The following MORN1 variants were observed in gnomAD, a reference collection of about 807,000 sequenced individuals.
MORN1 encodes the protein MORN repeat-containing protein 1.
In MORN1, 67 loss-of-function variants were observed where a neutral mutation model predicts 61.9. That is an observed-to-expected ratio of 1.08 (90% CI 0.89 to 1.33). The LOEUF (loss-of-function observed/expected upper bound fraction) is 1.33. Ranked by LOEUF, MORN1 falls within the 40% of genes most tolerant of loss-of-function variation. MORN1 has a pLI of 0.00. For missense variants in MORN1, 752 were observed against 691.2 expected, an observed-to-expected ratio of 1.09 and a Z score of -0.99; for synonymous variants, 301 against 292.0, an observed-to-expected ratio of 1.03 and a Z score of -0.31.
chr1:2,369,526 A>G (rs141012650), intron 8 of MORN1, among the ~76,000 whole-genome samples: 199 of 152,240 alleles, frequency 1.3e-3, no homozygotes, highest in Middle Eastern at 3.4e-3. Context: ...ATATGATCGT[A>G]TATAGAGAAA....
intron 6 of MORN1, among the ~76,000 whole-genome samples, chr1:2,379,649 G>A (rs1470254125): frequency 1.3e-5 from 2 of 152,168 alleles, no homozygotes; most frequent in Non-Finnish European, 1.5e-5. Flanking sequence ...TGGTGGCCAC[G>A]GCTGACAGTG....
intron 12 of MORN1, among the ~76,000 whole-genome samples, chr1:2,333,899 TGCTGGAAAGAACA>T (rs139357410): frequency 0.17 from 25,238 of 152,210 alleles, 2,707 homozygotes; most frequent in South Asian, 0.25. Flanking sequence ...CCAGGTTGGC[TGCTGGAAAGAACA>T]GCTTTCTTAG....
intron 8 of MORN1, among the ~76,000 whole-genome samples, chr1:2,370,330 T>TA (rs1347067191): frequency 1.3e-5 from 2 of 152,150 alleles, no homozygotes; most frequent in African/African-American, 4.8e-5. Context: ...ATCTTTTCCA[T>TA]AAAAAATAAC....
At chr1:2,323,065 G>A (rs949115415) in intron 13 of MORN1, 20 of 985,302 alleles carry the variant, frequency 2.0e-5, no homozygotes, top group African/African-American at 8.7e-5. Flanking sequence ...CTGGCCGAGC[G>A]GCTGCGCACA....
intron 12 of MORN1, among the ~76,000 whole-genome samples, chr1:2,331,184 A>T (rs1472246940): frequency 6.6e-6 from 1 of 152,158 alleles, no homozygotes; most frequent in Non-Finnish European, 1.5e-5. Context: ...CATGGGGCAC[A>T]TGGTGAGGCA....
At chr1:2,329,935 C>T (rs889363631) in intron 12 of MORN1, among the ~76,000 whole-genome samples, 2 of 152,156 alleles carry the variant, frequency 1.3e-5, no homozygotes, top group Non-Finnish European at 2.9e-5. Context: ...GTGTTTATGG[C>T]GGAGACCAGC....
At chr1:2,381,303 G>C (rs139676317) in intron 6 of MORN1, among the ~76,000 whole-genome samples, 41 of 152,352 alleles carry the variant, frequency 2.7e-4, no homozygotes, top group African/African-American at 9.6e-4. Flanking sequence ...CGTCTACATC[G>C]GTCTGGGCAG....
rs149596085 is a variant in MORN1 at position 2,352,038 on chromosome 1, A to G, written c.1036+5394T>C. On this transcript the variant is annotated intron_variant, in intron 10 of 13. Transcript: ENST00000378531. Reference sequence around the variant, plus strand: ...AATTAGAGGTCCACCTCCCCTAGGAATGAGTCCACCAAGACCCTAGCATAC... The same window carrying G: ...AATTAGAGGTCCACCTCCCCTAGGAGTGAGTCCACCAAGACCCTAGCATAC... The G allele has an allele frequency of 9.0e-6, 5 of 556,972 alleles. No individual in the cohort carries two copies. The African/African-American group carries it at 9.6e-5, about 11-fold the overall frequency. The allele number at this position is 556,972 out of a possible 1,614,324, so 34.5% of individuals were successfully genotyped here. A position where few individuals can be genotyped will look rare whatever the true frequency, so the allele number is the denominator to read the frequency against.
intron 13 of MORN1, 52 bp downstream of exon 13, chr1:2,324,045 C>T: frequency 6.4e-7 from 1 of 1,555,282 alleles, no homozygotes; most frequent in East Asian, 2.4e-5. Context: ...TGCGGCCTCG[C>T]CTCTCCAGAC....
intron 12 of MORN1, among the ~76,000 whole-genome samples, chr1:2,331,897 T>C: frequency 8.6e-6 from 1 of 116,488 alleles, no homozygotes; most frequent in Non-Finnish European, 1.7e-5. Flanking sequence ...CCTGCGCCTC[T>C]CCCTCGTGCG....
At chr1:2,330,982 G>GT (rs1410177632) in intron 12 of MORN1, among the ~76,000 whole-genome samples, 1 of 152,234 alleles carries the variant, frequency 6.6e-6, no homozygotes, top group African/African-American at 2.4e-5. Context: ...GTGGAATTCC[G>GT]TAACACGCCT....
At chr1:2,390,811 C>T (rs1448918072) in intron 1 of MORN1, 8 of 923,578 alleles carry the variant, frequency 8.7e-6, no homozygotes, top group Non-Finnish European at 1.0e-5. Context: ...TGCAGCGGCG[C>T]GATCTCGGCT....
Position 2,387,418 on chromosome 1 carries a change from C to A in MORN1, c.358+1G>T. 6.2e-7 allele frequency: 1 copy of A among 1,611,754 alleles called. No individual in the cohort carries two copies. The highest frequency in any genetic ancestry group is 8.5e-7 in the Non-Finnish European group (1 of 1,178,818). ...GCACCCGGCTCCTGTGGGCGCCAGACCTTCCCGCATGCCGTGGGAGACCTC... is the reference window on the plus strand; with the variant it reads ...GCACCCGGCTCCTGTGGGCGCCAGAACTTCCCGCATGCCGTGGGAGACCTC... On this transcript the variant is annotated splice_donor_variant, in intron 4 of 13. Coordinates refer to ENST00000378531, the MANE Select transcript of MORN1 (RefSeq NM_024848.3). LOFTEE classifies it high-confidence loss of function.
chr1:2,361,757 G>A (rs948614577), intron 8 of MORN1, among the ~76,000 whole-genome samples: 4 of 152,130 alleles, frequency 2.6e-5, no homozygotes, highest in Non-Finnish European at 4.4e-5. Context: ...CCCTCCATGC[G>A]GCTGAACATC....
chr1:2,322,541 G>A (rs913587850), intron 13 of MORN1: 69 of 984,960 alleles, frequency 7.0e-5, no homozygotes, highest in Non-Finnish European at 8.0e-5. Context: ...GCTTGGCCCC[G>A]AGTCAGCTCC....
rs147001789 is a variant in MORN1 at position 2,336,140 on chromosome 1, G to C, written c.1250+329C>G. Among the ~76,000 whole-genome samples, 129 of 152,316 alleles carry C rather than the reference G, an allele frequency of 8.5e-4. 2 individuals carry two copies. Among genetic ancestry groups the C allele is most frequent in the African/African-American group, 2.9e-3 (120 of 41,568 alleles). ...CCCTGGCCACCAGCCGTCTTCCTCT[G>C]AGAGGCCCCGCACCCCTCCTGCCTC... On this transcript the variant is annotated intron_variant, in intron 12 of 13. Coordinates refer to ENST00000378531, the MANE Select transcript of MORN1 (RefSeq NM_024848.3).
At chr1:2,385,136 C>T (rs1410299622) in intron 5 of MORN1, 71 bp from the exon 6 acceptor site, 2 of 1,473,874 alleles carry the variant, frequency 1.4e-6, no homozygotes, top group Non-Finnish European at 1.9e-6. Flanking sequence ...CAGACCGGCT[C>T]CTCCCACCGG....
intron 8 of MORN1, among the ~76,000 whole-genome samples, chr1:2,362,157 G>A (rs182017721): frequency 3.3e-4 from 50 of 152,266 alleles, no homozygotes; most frequent in African/African-American, 1.2e-3. Context: ...ACTTGAACCC[G>A]GGAGGTGGAG....
chr1:2,370,590 C>A (rs567589330), intron 8 of MORN1, among the ~76,000 whole-genome samples: 3 of 152,220 alleles, frequency 2.0e-5, no homozygotes, highest in South Asian at 4.1e-4. Flanking sequence ...AAAGACATAT[C>A]TGATAAAGGA....
Sources: gnomAD v4.1 joint callset for allele counts (sites outside exome capture counted in the v4.1 genomes callset) on GRCh38, gnomAD v4.1.1 for gene constraint, MANE v1.5 for transcripts, NCBI Gene and HGNC (gene_info 2026-07-23, HGNC 2026-07-21) for gene names.